Variants in RIC8B observed in about 807,000 individuals in gnomAD.
RIC8B encodes RIC8 guanine nucleotide exchange factor B, also known as chaperone Ric-8B.
In RIC8B, 16 loss-of-function variants were observed where a neutral mutation model predicts 57.5. The ratio of observed to expected loss-of-function variants is 0.28; its 90% CI spans 0.19 to 0.42. RIC8B has a LOEUF of 0.42. Ranked by LOEUF, RIC8B falls within the 10% of genes least tolerant of loss-of-function variation. The pLI is 1.00. For missense variants in RIC8B, 481 were observed against 677.0 expected, an observed-to-expected ratio of 0.71 and a Z score of 3.21; for synonymous variants, 216 against 250.8, an observed-to-expected ratio of 0.86 and a Z score of 1.31.
chr12:106,840,267 C>T (rs2046809271), intron 4 of RIC8B, among the ~76,000 whole-genome samples: 1 of 152,112 alleles, frequency 6.6e-6, no homozygotes, highest in African/African-American at 2.4e-5. Flanking sequence ...TCTCCCACAA[C>T]TGACAAGGCT....
At chr12:106,783,526 A>G (rs1269741016) in intron 1 of RIC8B, among the ~76,000 whole-genome samples, 2 of 152,142 alleles carry the variant, frequency 1.3e-5, no homozygotes, top group Non-Finnish European at 2.9e-5. Context: ...CTTCCAAATC[A>G]CTGTCCAGTC....
At chr12:106,829,880 G>T (rs1387830364) in intron 4 of RIC8B, among the ~76,000 whole-genome samples, 1 of 152,098 alleles carries the variant, frequency 6.6e-6, no homozygotes, top group Non-Finnish European at 1.5e-5. Context: ...GATTGGTGGG[G>T]GATCATTGTG....
chr12:106,851,300 T>A (rs1949463763), intron 6 of RIC8B, 150 bp from the exon 7 acceptor site: 1 of 655,752 alleles, frequency 1.5e-6, no homozygotes, highest in Non-Finnish European at 2.5e-6. Context: ...TGTTTAGTTT[T>A]ACTTGGAAGC....
chr12:106,827,390 C>G (rs562206715), intron 4 of RIC8B, among the ~76,000 whole-genome samples: 4 of 152,236 alleles, frequency 2.6e-5, no homozygotes, highest in African/African-American at 9.6e-5. Context: ...GTAGAAATTC[C>G]TTTTTGAACA....
chr12:106,803,741 G>A (rs2044860931), intron 2 of RIC8B, among the ~76,000 whole-genome samples: 1 of 152,138 alleles, frequency 6.6e-6, no homozygotes, highest in Admixed American at 6.5e-5. Context: ...ATCCTTTTGA[G>A]AAACACTAAT....
Position 106,851,467 on chromosome 12 carries a change from G to A in RIC8B, c.1179G>A (p.Arg393=), listed in dbSNP as rs1264527245. Residue 393 remains arginine (R), a synonymous_variant, in exon 7 of 10, where the codon AGG becomes AGA. Transcript: ENST00000392837. ...GCCATCAGGTTTTACCACCGTTGAGGGATGTGACAAATCGACCTGAAGTTG... is the reference window on the plus strand; with the variant it reads ...GCCATCAGGTTTTACCACCGTTGAGAGATGTGACAAATCGACCTGAAGTTG... ...FLKDQVLPPL[R]DVTNRPEVGS... is the part of the protein sequence containing the mutation. The A allele has an allele frequency of 5.0e-6, 8 of 1,613,662 alleles. No individual in the cohort carries two copies. The highest frequency in any genetic ancestry group is 6.8e-6 in the Non-Finnish European group (8 of 1,179,798).
At chr12:106,824,081 G>A (rs1241096998) in intron 3 of RIC8B, among the ~76,000 whole-genome samples, 1 of 152,288 alleles carries the variant, frequency 6.6e-6, no homozygotes, top group African/African-American at 2.4e-5. Flanking sequence ...TGTCATTCCA[G>A]TAGTCCTCTT....
chr12:106,816,532 A>G (rs1352293748), intron 3 of RIC8B, among the ~76,000 whole-genome samples: 2 of 152,168 alleles, frequency 1.3e-5, no homozygotes, highest in East Asian at 1.9e-4. Flanking sequence ...TTATGTTTCT[A>G]TGCTTATTTG....
At position 106,868,878 on chromosome 12, in the gene RIC8B, G is replaced by A. The variant is rs144959449; in HGVS notation, c.1452-1945G>A. ...TTTTTTTTTTTTTTTTTTTTGAGAC[G>A]GAGTCTCGCTCTGTCACCCAAGCTT... On this transcript the variant is annotated intron_variant, in intron 8 of 9. Coordinates refer to ENST00000392837, the MANE Select transcript of RIC8B (RefSeq NM_001330145.2). 5.3e-3 allele frequency among the ~76,000 whole-genome samples: 694 copies of A among 130,890 alleles called. 10 individuals are homozygous for A. Among genetic ancestry groups the A allele is most frequent in the African/African-American group, 0.02 (675 of 34,450 alleles). The allele number at this position is 130,890 out of a possible 152,430, so 85.9% of individuals were successfully genotyped here. A position where few individuals can be genotyped will look rare whatever the true frequency, so the allele number is the denominator to read the frequency against.
At position 106,835,089 on chromosome 12, in the gene RIC8B, T is replaced by C. The variant is rs181533861; in HGVS notation, c.837-7500T>C. 8.6e-5 allele frequency among the ~76,000 whole-genome samples: 13 copies of C among 152,038 alleles called. No individual in the cohort carries two copies. The East Asian group carries it at 2.5e-3, about 29-fold the overall frequency. ...GTATCTACCTCACTTTGCAGACTACTGGTTTGTACTTACCGTTTCCATGGC... is the reference window on the plus strand; with the variant it reads ...GTATCTACCTCACTTTGCAGACTACCGGTTTGTACTTACCGTTTCCATGGC... On this transcript the variant is annotated intron_variant, in intron 4 of 9. Coordinates refer to ENST00000392837, the MANE Select transcript of RIC8B (RefSeq NM_001330145.2).
chr12:106,796,373 C>T (rs190452927), intron 2 of RIC8B, among the ~76,000 whole-genome samples: 1 of 151,962 alleles, frequency 6.6e-6, no homozygotes, highest in South Asian at 2.1e-4. Context: ...CCCCCACCCC[C>T]CTCCATCTCT....
intron 8 of RIC8B, among the ~76,000 whole-genome samples, chr12:106,863,158 A>G (rs1416657572): frequency 6.6e-6 from 1 of 152,126 alleles, no homozygotes; most frequent in African/African-American, 2.4e-5. Flanking sequence ...ATGTGTGTCT[A>G]ATGACATTTG....
intron 2 of RIC8B, among the ~76,000 whole-genome samples, chr12:106,809,591 CAT>C (rs879426932): frequency 4.2e-5 from 6 of 142,026 alleles, no homozygotes; most frequent in Non-Finnish European, 7.7e-5. Context: ...GATTGAGAAA[CAT>C]AAAAGTTTTT....
intron 2 of RIC8B, among the ~76,000 whole-genome samples, chr12:106,785,721 A>G (rs1464712352): frequency 2.6e-5 from 4 of 151,464 alleles, no homozygotes; most frequent in African/African-American, 7.3e-5. Flanking sequence ...AGCCCTGCTC[A>G]GGCCCAACCT....
chr12:106,789,995 C>A (rs1001719695), intron 2 of RIC8B, among the ~76,000 whole-genome samples: 1 of 151,640 alleles, frequency 6.6e-6, no homozygotes, highest in Non-Finnish European at 1.5e-5. Context: ...GATCTTTAGA[C>A]CTAATTCCTG....
intron 3 of RIC8B, among the ~76,000 whole-genome samples, chr12:106,825,480 C>T (rs1031846704): frequency 6.6e-6 from 1 of 152,050 alleles, no homozygotes; most frequent in Non-Finnish European, 1.5e-5. Flanking sequence ...AAGTCTCTAG[C>T]GGAATTGAAT....
At chr12:106,852,362 A>G (rs1235875815) in intron 7 of RIC8B, among the ~76,000 whole-genome samples, 2 of 152,178 alleles carry the variant, frequency 1.3e-5, no homozygotes, top group Non-Finnish European at 2.9e-5. Flanking sequence ...CTACTTTTTT[A>G]AAGTACCCCA....
chr12:106,852,954 A>G (rs1949538542), intron 7 of RIC8B, among the ~76,000 whole-genome samples: 1 of 152,244 alleles, frequency 6.6e-6, no homozygotes, highest in South Asian at 2.1e-4. Flanking sequence ...GTAATTATAC[A>G]TGCTTATGCA....
At chr12:106,801,860 A>G (rs1180415351) in intron 2 of RIC8B, among the ~76,000 whole-genome samples, 1 of 152,234 alleles carries the variant, frequency 6.6e-6, no homozygotes, top group African/African-American at 2.4e-5. Context: ...TAGTAAGCTT[A>G]TTTTAGAATT....
Sources: allele counts gnomAD v4.1 joint callset (sites outside exome capture counted in the v4.1 genomes callset), GRCh38; gene constraint gnomAD v4.1.1; transcripts MANE v1.5; gene names NCBI Gene and HGNC (gene_info 2026-07-23, HGNC 2026-07-21).